The following ACVR1 variants were observed in gnomAD, a reference collection of about 807,000 sequenced individuals.
ACVR1 encodes activin A receptor type 1.
ACVR1 carries 38 observed loss-of-function variants against 57.1 expected under a neutral mutation model. The observed-to-expected ratio is 0.67, with a 90% CI of 0.51 to 0.87. The LOEUF (loss-of-function observed/expected upper bound fraction) is 0.87. ACVR1 is among the 40% of genes least tolerant of loss of function. The pLI, the probability that ACVR1 is intolerant of heterozygous loss-of-function variation, is 0.00. For missense variants in ACVR1, 463 were observed against 638.2 expected, an observed-to-expected ratio of 0.73 and a Z score of 2.96; for synonymous variants, 212 against 228.1, an observed-to-expected ratio of 0.93 and a Z score of 0.63.
At position 157,780,394 on chromosome 2, in the gene ACVR1, C is replaced by T; in HGVS notation, c.274G>A (p.Glu92Lys). The change falls in exon 4 of 11, where the codon GAG becomes AAG. Residue 92 changes from glutamate to lysine, a missense_variant. By Grantham distance (56) the Glu-to-Lys change is moderately conservative. Around this residue, in one of 3 missense-constraint regions of ACVR1, gnomAD observed 203 missense variants for 235.5 expected, o/e 0.86. Transcript: ENST00000434821. ...TTACACCAGTCCCCTTGGCAGCACT[C>T]CACGGCTTGGCCAGGGGACGGCGGG... ...KTPPSPGQAV[E>K]CCQGDWCNRN... The T allele has an allele frequency of 4.3e-6, 7 of 1,614,170 alleles. No homozygotes were observed. Among genetic ancestry groups the T allele is most frequent in the Non-Finnish European group, 5.9e-6 (7 of 1,180,012 alleles).
chr2:157,738,667 G>T (rs1684634628), intron 9 of ACVR1, 97 bp from the exon 10 acceptor site: 2 of 1,569,992 alleles, frequency 1.3e-6, no homozygotes, highest in Non-Finnish European at 1.8e-6. Context: ...TGTGACAGAA[G>T]AAAATACTAA....
At chr2:157,740,041 G>T (rs1248978408) in intron 9 of ACVR1, among the ~76,000 whole-genome samples, 1 of 151,988 alleles carries the variant, frequency 6.6e-6, no homozygotes, top group Admixed American at 6.6e-5. Flanking sequence ...AAAATTAGCC[G>T]GGTGTGTTGG....
intron 2 of ACVR1, among the ~76,000 whole-genome samples, chr2:157,809,829 C>T (rs1305980244): frequency 6.6e-6 from 1 of 152,116 alleles, no homozygotes; most frequent in African/African-American, 2.4e-5. Context: ...AATCCCAGCA[C>T]TTTGGGAGGC....
intron 1 of ACVR1, among the ~76,000 whole-genome samples, chr2:157,874,418 C>T (rs1175261952): frequency 2.0e-5 from 3 of 152,256 alleles, no homozygotes; most frequent in African/African-American, 7.2e-5. Flanking sequence ...AGTCTGCACA[C>T]TATGAAGCTG....
In ACVR1 at chr2:157,798,939, C is replaced by A. The variant is rs534318938; in HGVS notation, c.67+488G>T. Among the ~76,000 whole-genome samples, 5 of 152,048 alleles carry A rather than the reference C, an allele frequency of 3.3e-5. No homozygotes were observed. The East Asian group carries it at 9.7e-4, about 29-fold the overall frequency. On this transcript the variant is annotated intron_variant, in intron 3 of 10. Transcript: ENST00000434821. ...TGAGACAGAGTCTCGCTCTGTTGCC[C>A]GGGCTGGAGTTCAATGTCGTGATCT... is the stretch of plus-strand genomic sequence containing the variant.
intron 1 of ACVR1, among the ~76,000 whole-genome samples, chr2:157,832,128 A>ACTT (rs1688600661): frequency 6.6e-6 from 1 of 151,996 alleles, no homozygotes; most frequent in South Asian, 2.1e-4. Context: ...TGAGGAATGA[A>ACTT]CCTAGGCATG....
chr2:157,824,741 T>G (rs932690165), intron 1 of ACVR1, among the ~76,000 whole-genome samples: 2 of 151,926 alleles, frequency 1.3e-5, no homozygotes, highest in African/African-American at 4.8e-5. Flanking sequence ...AAGTAACCCA[T>G]GTCACTCACT....
intron 1 of ACVR1, among the ~76,000 whole-genome samples, chr2:157,847,189 C>T (rs1689150453): frequency 6.6e-6 from 1 of 152,112 alleles, no homozygotes; most frequent in South Asian, 2.1e-4. Context: ...AAAACTGAAA[C>T]ACAAATTTAA....
At chr2:157,742,852 G>A (rs1462965175) in intron 9 of ACVR1, among the ~76,000 whole-genome samples, 1 of 152,218 alleles carries the variant, frequency 6.6e-6, no homozygotes, top group East Asian at 1.9e-4. Context: ...AGCTGCATGT[G>A]GGACCCGCAG....
chr2:157,752,583 T>C (rs1300445449), intron 9 of ACVR1, among the ~76,000 whole-genome samples: 1 of 152,086 alleles, frequency 6.6e-6, no homozygotes, highest in African/African-American at 2.4e-5. Context: ...CCTATCAGAT[T>C]AACAGCAGAT....
chr2:157,775,249 C>T (rs1199953584), intron 5 of ACVR1, among the ~76,000 whole-genome samples: 1 of 152,146 alleles, frequency 6.6e-6, no homozygotes, highest in Non-Finnish European at 1.5e-5. Context: ...AAACATAAAA[C>T]CAGTGCCCCA....
intron 2 of ACVR1, among the ~76,000 whole-genome samples, chr2:157,807,524 C>T (rs988713404): frequency 4.6e-5 from 7 of 151,980 alleles, no homozygotes; most frequent in African/African-American, 1.2e-4. Flanking sequence ...CAGCTCACAG[C>T]TCACTCCCTA....
In ACVR1 at chr2:157,780,572, G is replaced by A. The variant is rs1168196404; in HGVS notation, c.96C>T (p.Leu32=). 5.6e-6 allele frequency: 9 copies of A among 1,613,674 alleles called. No homozygotes were observed. Among genetic ancestry groups the A allele is most frequent in the Non-Finnish European group, 6.8e-6 (8 of 1,179,952 alleles). ...EDEKPKVNPK[L]YMCVCEGLSC... The stretch of plus-strand genomic sequence containing the variant: ...AGAGACCTTCACACACACACATGTA[G>A]AGTTTGGGGTTGACCTTGGGCTTCT... The change falls in exon 4 of 11, where the codon CTC becomes CTT. Residue 32 remains leucine (L), a synonymous_variant. Transcript: ENST00000434821.
chr2:157,841,298 C>A (rs900489642), intron 1 of ACVR1, among the ~76,000 whole-genome samples: 1 of 152,124 alleles, frequency 6.6e-6, no homozygotes, highest in African/African-American at 2.4e-5. Context: ...CACTCTCAAC[C>A]CTTCTCCTTC....
chr2:157,807,687 T>A (rs1290011258), intron 2 of ACVR1, among the ~76,000 whole-genome samples: 1 of 151,984 alleles, frequency 6.6e-6, no homozygotes, highest in African/African-American at 2.4e-5. Context: ...AGGTAGACAC[T>A]GTCTCAGTCC....
intron 1 of ACVR1, among the ~76,000 whole-genome samples, chr2:157,825,250 T>G (rs954235560): frequency 6.6e-6 from 1 of 152,168 alleles, no homozygotes; most frequent in African/African-American, 2.4e-5. Context: ...AATATAGACA[T>G]CCAATGGATC....
At chr2:157,748,323 C>T (rs1218837765) in intron 9 of ACVR1, among the ~76,000 whole-genome samples, 2 of 152,192 alleles carry the variant, frequency 1.3e-5, no homozygotes, top group African/African-American at 4.8e-5. Context: ...GGAATGCCAA[C>T]TTCCTCTTCA....
chr2:157,844,649 A>G (rs550642095), intron 1 of ACVR1, among the ~76,000 whole-genome samples: 1 of 152,264 alleles, frequency 6.6e-6, no homozygotes, highest in South Asian at 2.1e-4. Flanking sequence ...CTGAAGCACC[A>G]CAGAGCTAGG....
intron 2 of ACVR1, among the ~76,000 whole-genome samples, chr2:157,801,174 A>T (rs1687311998): frequency 1.3e-5 from 2 of 152,206 alleles, no homozygotes; most frequent in Admixed American, 1.3e-4. Flanking sequence ...ATAACTTGAG[A>T]CTTAATCTGG....
Sources: gnomAD v4.1 joint callset for allele counts (sites outside exome capture counted in the v4.1 genomes callset) on GRCh38, gnomAD v4.1.1 for gene constraint, gnomAD v4.1.1 regional missense constraint, MANE v1.5 for transcripts, NCBI Gene and HGNC (gene_info 2026-07-23, HGNC 2026-07-21) for gene names.